The following DNAH7 variants were observed in gnomAD, a reference collection of about 807,000 sequenced individuals.
DNAH7 encodes the protein axonemal beta dynein heavy chain 7.
Under a neutral mutation model 444.6 loss-of-function variants are expected in DNAH7, and 397 were observed. The ratio of observed to expected loss-of-function variants is 0.89; its 90% CI spans 0.82 to 0.97. The LOEUF (loss-of-function observed/expected upper bound fraction) is 0.97, where lower values mean the gene tolerates loss of function less well. DNAH7 is among the 50% of genes least tolerant of loss of function. DNAH7 has a pLI of 0.00. For missense variants in DNAH7, 4,902 were observed against 4,800.8 expected (o/e 1.02, Z -0.62); for synonymous variants, 1,636 against 1,624.4 (o/e 1.01, Z -0.17).
chr2:195,869,903 A>T (rs1700574668), intron 40 of DNAH7, among the ~76,000 whole-genome samples: 1 of 152,238 alleles, frequency 6.6e-6, no homozygotes, highest in Admixed American at 6.5e-5. Context: ...GAAGTAGTAA[A>T]CCTCACTAAA....
chr2:196,062,158 TATG>T (rs1231749776), intron 1 of DNAH7, among the ~76,000 whole-genome samples: 1 of 152,216 alleles, frequency 6.6e-6, no homozygotes, highest in African/African-American at 2.4e-5. Context: ...TCCCAGCAAG[TATG>T]ATATGATGCC....
intron 47 of DNAH7, among the ~76,000 whole-genome samples, chr2:195,842,373 G>A (rs1444287089): frequency 6.6e-6 from 1 of 152,062 alleles, no homozygotes; most frequent in Non-Finnish European, 1.5e-5. Context: ...AAGATAATAT[G>A]TGAAAAGCAC....
chr2:195,758,549 A>G (rs1462594152), intron 61 of DNAH7, among the ~76,000 whole-genome samples: 1 of 152,238 alleles, frequency 6.6e-6, no homozygotes, highest in Admixed American at 6.5e-5. Context: ...TTTAACAACT[A>G]TCTACACAAA....
chr2:195,917,569 T>C (rs1340963185), intron 24 of DNAH7, among the ~76,000 whole-genome samples: 1 of 152,206 alleles, frequency 6.6e-6, no homozygotes, highest in Non-Finnish European at 1.5e-5. Flanking sequence ...GCTTCAGAGC[T>C]TTTTAATAAA....
intron 19 of DNAH7, among the ~76,000 whole-genome samples, chr2:195,945,613 C>A (rs1387899999): frequency 2.6e-5 from 4 of 152,116 alleles, no homozygotes; most frequent in African/African-American, 7.2e-5. Flanking sequence ...GGCAGATGAT[C>A]TTTTCTGCTT....
intron 47 of DNAH7, among the ~76,000 whole-genome samples, chr2:195,838,539 T>C (rs1698504099): frequency 6.6e-6 from 1 of 151,754 alleles, no homozygotes; most frequent in Non-Finnish European, 1.5e-5. Context: ...AAATTAAAAG[T>C]CCCATAGTAT....
intron 51 of DNAH7, 26 bp downstream of exon 51, chr2:195,816,602 T>C (rs777453989): frequency 2.6e-6 from 4 of 1,516,532 alleles, no homozygotes; most frequent in Non-Finnish European, 9.1e-7. Flanking sequence ...AATTAGTTAA[T>C]ATTAACTAGT....
intron 5 of DNAH7, among the ~76,000 whole-genome samples, chr2:196,044,489 A>G (rs1344737360): frequency 1.3e-5 from 2 of 152,114 alleles, no homozygotes; most frequent in South Asian, 4.1e-4. Context: ...CATTGGGTAC[A>G]GTGTACACTG....
chr2:195,920,519 T>C (rs922464217), intron 24 of DNAH7, among the ~76,000 whole-genome samples: 1 of 152,150 alleles, frequency 6.6e-6, no homozygotes. Context: ...AAGCCATATG[T>C]AGAAGAATGA....
intron 5 of DNAH7, among the ~76,000 whole-genome samples, chr2:196,035,973 A>G (rs570448606): frequency 1.3e-5 from 2 of 151,760 alleles, no homozygotes; most frequent in South Asian, 4.2e-4. Flanking sequence ...AGCAGAGCCA[A>G]CACCACAGGA....
At chr2:195,865,171 C>A in intron 40 of DNAH7, 150 bp from the exon 41 acceptor site, 1 of 661,980 alleles carries the variant, frequency 1.5e-6, no homozygotes, top group South Asian at 2.7e-5. Flanking sequence ...GACTGATTCA[C>A]AATAATGTTA....
Position 195,891,647 on chromosome 2 carries a change from G to C in DNAH7, c.5046+8C>G, listed in dbSNP as rs769726550. On this transcript the variant is annotated splice_region_variant and intron_variant, in intron 31 of 64. Coordinates refer to ENST00000312428, the MANE Select transcript of DNAH7 (RefSeq NM_018897.3). ...TTAAGATATGCATGTGAAAGTGTTA[G>C]AACTTACCACTGAAGAGGCAAATGC... The C allele has an allele frequency of 2.5e-6, 4 of 1,570,308 alleles. No individual in the cohort carries two copies. Among genetic ancestry groups the C allele is most frequent in the Non-Finnish European group, 3.4e-6 (4 of 1,163,208 alleles).
intron 2 of DNAH7, among the ~76,000 whole-genome samples, chr2:196,054,773 G>A (rs1697700105): frequency 6.6e-6 from 1 of 152,126 alleles, no homozygotes; most frequent in South Asian, 2.1e-4. Flanking sequence ...TCTTGTGATA[G>A]TGAGTTCTCA....
intron 19 of DNAH7, among the ~76,000 whole-genome samples, chr2:195,948,330 C>A (rs1465539366): frequency 1.3e-5 from 2 of 152,096 alleles, no homozygotes; most frequent in African/African-American, 2.4e-5. Context: ...CTTGTGTTGC[C>A]ATTGCTTTTG....
intron 20 of DNAH7, among the ~76,000 whole-genome samples, chr2:195,935,956 T>C (rs997256739): frequency 1.3e-5 from 2 of 149,910 alleles, no homozygotes; most frequent in African/African-American, 4.9e-5. Flanking sequence ...AGGAGATGAA[T>C]AGGAAGGATA....
chr2:195,921,140 A>C (rs1412957068), intron 24 of DNAH7, among the ~76,000 whole-genome samples: 1 of 152,216 alleles, frequency 6.6e-6, no homozygotes, highest in Non-Finnish European at 1.5e-5. Flanking sequence ...ACCACTATGG[A>C]AAACAATGTG....
intron 12 of DNAH7, among the ~76,000 whole-genome samples, chr2:195,992,188 G>C (rs1367507752): frequency 6.6e-6 from 1 of 152,126 alleles, no homozygotes; most frequent in Non-Finnish European, 1.5e-5. Flanking sequence ...TGGCATAAAT[G>C]GTTTCCCATA....
chr2:195,809,160 G>A (rs115604824), intron 52 of DNAH7, among the ~76,000 whole-genome samples: 296 of 152,232 alleles, frequency 1.9e-3, no homozygotes, highest in African/African-American at 6.7e-3. Flanking sequence ...ATTCGAATAC[G>A]TGTTTTCCAA....
At chr2:196,008,601 G>A (rs1247077918) in intron 10 of DNAH7, among the ~76,000 whole-genome samples, 1 of 152,172 alleles carries the variant, frequency 6.6e-6, no homozygotes, top group African/African-American at 2.4e-5. Flanking sequence ...ATTTGGCCAT[G>A]AGAAGATATG....
Sources: gnomAD v4.1 joint callset for allele counts (sites outside exome capture counted in the v4.1 genomes callset) on GRCh38, gnomAD v4.1.1 for gene constraint, MANE v1.5 for transcripts, NCBI Gene and HGNC (gene_info 2026-07-23, HGNC 2026-07-21) for gene names.